ZNF267: variants seen among roughly 807,000 people sequenced by gnomAD.
ZNF267 encodes zinc finger protein 267.
Under a neutral mutation model 71.6 loss-of-function variants are expected in ZNF267, and 61 were observed. That is an observed-to-expected ratio of 0.85 (90% CI 0.69 to 1.05). ZNF267 has a LOEUF of 1.05. Among genes scored for constraint, ZNF267 ranks in the 50% least tolerant of loss-of-function variants. ZNF267 has a pLI of 0.00. For missense variants in ZNF267, 852 were observed against 870.0 expected (o/e 0.98, Z 0.26); for synonymous variants, 288 against 293.2 (o/e 0.98, Z 0.18).
intron 3 of ZNF267, among the ~76,000 whole-genome samples, chr16:31,889,157 G>A (rs371657567): frequency 1.3e-5 from 1 of 78,054 alleles, no homozygotes; most frequent in East Asian, 5.7e-4. Context: ...AGCTTTTTGA[G>A]TCCTCTCTCT....
chr16:31,889,255 G>GTC (rs779378659), intron 3 of ZNF267, among the ~76,000 whole-genome samples: 3 of 143,382 alleles, frequency 2.1e-5, no homozygotes, highest in Non-Finnish European at 3.0e-5. Context: ...TATTTTTCTA[G>GTC]TCTCTCTCTC....
At chr16:31,893,501 C>T (rs781180525) in intron 3 of ZNF267, among the ~76,000 whole-genome samples, 4 of 152,322 alleles carry the variant, frequency 2.6e-5, no homozygotes, top group Non-Finnish European at 4.4e-5. Flanking sequence ...TCTTTTCTAT[C>T]GCATTGTTAG....
At chr16:31,896,327 G>A (rs2083998667) in intron 3 of ZNF267, among the ~76,000 whole-genome samples, 2 of 152,136 alleles carry the variant, frequency 1.3e-5, no homozygotes, top group African/African-American at 4.8e-5. Flanking sequence ...TGCTTTTGAA[G>A]TCTTATTTGA....
At chr16:31,906,885 A>G (rs1378296434) in intron 3 of ZNF267, among the ~76,000 whole-genome samples, 2 of 152,048 alleles carry the variant, frequency 1.3e-5, no homozygotes, top group Admixed American at 1.3e-4. Flanking sequence ...TGGGAGCTGT[A>G]GACTGGAGCT....
chr16:31,898,982 C>G (rs529639637), intron 3 of ZNF267, among the ~76,000 whole-genome samples: 2 of 152,218 alleles, frequency 1.3e-5, no homozygotes, highest in South Asian at 2.1e-4. Context: ...GCAAGAAGAG[C>G]TAACTATCCT....
chr16:31,906,512 A>G (rs1412247538), intron 3 of ZNF267, among the ~76,000 whole-genome samples: 1 of 152,162 alleles, frequency 6.6e-6, no homozygotes, highest in Non-Finnish European at 1.5e-5. Context: ...GCCACCTTGC[A>G]GTTTGATCTC....
intron 3 of ZNF267, among the ~76,000 whole-genome samples, chr16:31,896,713 T>C (rs983492547): frequency 2.0e-5 from 3 of 152,218 alleles, no homozygotes; most frequent in African/African-American, 7.2e-5. Context: ...TATTGTATTG[T>C]CTCCGGATTT....
At position 31,915,756 on chromosome 16, in the gene ZNF267, C is replaced by T. The variant is rs751674405; in HGVS notation, c.1507C>T (p.Arg503Cys). ...TAAAGAATGTGGCAAAGTCTTTAGC[C>T]GTAGTTCTTGCCTTACTCAACATCG... The part of the protein sequence containing the change: ...KCKECGKVFS[R>C]SSCLTQHRKI... Residue 503 changes from arginine (R) to cysteine (C), a missense_variant, in exon 4 of 4, where the codon CGT becomes TGT. Arg to Cys is a radical substitution (Grantham distance 180, BLOSUM62 -3). Coordinates refer to ENST00000300870, the MANE Select transcript of ZNF267 (RefSeq NM_003414.6). The T allele has an allele frequency of 1.1e-5, 18 of 1,611,736 alleles. No homozygotes were observed. The highest frequency in any genetic ancestry group is 6.7e-5 in the Admixed American group (4 of 59,820).
chr16:31,879,847 G>A (rs1045490531), intron 1 of ZNF267, among the ~76,000 whole-genome samples: 19 of 152,176 alleles, frequency 1.2e-4, no homozygotes, highest in East Asian at 1.9e-4. Flanking sequence ...TGAGCAGGCC[G>A]GAGAATCTCA....
At position 31,916,471 on chromosome 16, in the gene ZNF267, A is replaced by G. The variant is rs1400545968; in HGVS notation, c.2222A>G (p.Glu741Gly). 1 of 1,604,332 alleles carries G rather than the reference A, an allele frequency of 6.2e-7. No individual in the cohort carries two copies. The highest frequency in any genetic ancestry group is 2.2e-5 in the East Asian group (1 of 44,812). ...LIAHQRSHTREKL is the reference protein window; with the variant it reads ...LIAHQRSHTRGKL ...GCACATCAGAGAAGTCATACTAGAGAAAAACTTTAAAAATGTAAAACATGG... is the reference window on the plus strand; with the variant it reads ...GCACATCAGAGAAGTCATACTAGAGGAAAACTTTAAAAATGTAAAACATGG... Residue 741 changes from glutamate to glycine, a missense_variant, in exon 4 of 4, where the codon GAA becomes GGA. Physicochemically the swap from Glu to Gly is moderately conservative, Grantham distance 98. Coordinates refer to ENST00000300870, the MANE Select transcript of ZNF267 (RefSeq NM_003414.6).
At chr16:31,890,237 T>C (rs747201809) in intron 3 of ZNF267, 1 of 152,224 alleles carries the variant, frequency 6.6e-6, no homozygotes, top group Non-Finnish European at 1.5e-5. Context: ...TTGCATTTCG[T>C]TTTCTCACCA....
intron 3 of ZNF267, among the ~76,000 whole-genome samples, chr16:31,911,145 G>T (rs574365131): frequency 2.6e-5 from 4 of 151,644 alleles, no homozygotes; most frequent in African/African-American, 9.8e-5. Context: ...AGAAGAATGT[G>T]TGTTCTGTAG....
Position 31,886,112 on chromosome 16 carries a change from A to G in ZNF267, c.226+856A>G, listed in dbSNP as rs2083922433. Among the ~76,000 whole-genome samples the G allele has an allele frequency of 1.3e-5, 2 of 152,098 alleles. 1 individual carries two copies. Among genetic ancestry groups the G allele is most frequent in the Non-Finnish European group, 2.9e-5 (2 of 68,024 alleles). ...CCTTTTTTTTCTTTCTAGACATATGATTCTTTCCACAATATAAATATTATC... is the reference window on the plus strand; with the variant it reads ...CCTTTTTTTTCTTTCTAGACATATGGTTCTTTCCACAATATAAATATTATC... On this transcript the variant is annotated intron_variant, in intron 3 of 3. Transcript: ENST00000300870.
chr16:31,895,995 TTTG>T (rs1192598961), intron 3 of ZNF267, among the ~76,000 whole-genome samples: 2 of 152,170 alleles, frequency 1.3e-5, no homozygotes, highest in African/African-American at 4.8e-5. Flanking sequence ...TGCTTTTTCT[TTTG>T]TTATCTGTGC....
At chr16:31,914,311 C>T (rs2084156009) in intron 3 of ZNF267, 165 bp from the exon 4 acceptor site, 1 of 624,372 alleles carries the variant, frequency 1.6e-6, no homozygotes, top group African/African-American at 1.9e-5. Flanking sequence ...TCACGTGCCA[C>T]TTTATTGTAG....
chr16:31,874,297 G>A, intron 1 of ZNF267: 1 of 291,254 alleles, frequency 3.4e-6, no homozygotes, highest in Non-Finnish European at 6.4e-6. Flanking sequence ...GGAGACCCAG[G>A]TTCGGTGTGT....
chr16:31,879,369 C>G (rs1035112451), intron 1 of ZNF267, among the ~76,000 whole-genome samples: 11 of 152,240 alleles, frequency 7.2e-5, no homozygotes, highest in Admixed American at 6.5e-5. Flanking sequence ...AATCTCTTAG[C>G]AGGTTGCCTA....
chr16:31,903,571 G>T (rs1256176962), intron 3 of ZNF267, among the ~76,000 whole-genome samples: 1 of 152,188 alleles, frequency 6.6e-6, no homozygotes, highest in South Asian at 2.1e-4. Context: ...TAGTTTATTT[G>T]CGTAGAGGTG....
At chr16:31,895,481 C>T (rs186668251) in intron 3 of ZNF267, among the ~76,000 whole-genome samples, 1 of 152,116 alleles carries the variant, frequency 6.6e-6, no homozygotes. Flanking sequence ...GGATATATAC[C>T]CAGTAGTGGA....
Sources: allele counts gnomAD v4.1 joint callset (sites outside exome capture counted in the v4.1 genomes callset), GRCh38; gene constraint gnomAD v4.1.1; transcripts MANE v1.5; gene names NCBI Gene and HGNC (gene_info 2026-07-23, HGNC 2026-07-21).